The following SPHKAP variants were observed in gnomAD, a reference collection of about 807,000 sequenced individuals.
SPHKAP encodes the protein A-kinase anchor protein SPHKAP.
In SPHKAP, 67 loss-of-function variants were observed where a neutral mutation model predicts 137.5. The ratio of observed to expected loss-of-function variants is 0.49; its 90% CI spans 0.40 to 0.60. The LOEUF is 0.60. Ranked by LOEUF, SPHKAP falls within the 20% of genes least tolerant of loss-of-function variation. SPHKAP has a pLI of 0.00. For synonymous variants in SPHKAP, 813 were observed against 785.3 expected (o/e 1.04, Z -0.59); for missense variants, 2,097 against 2,069.3 (o/e 1.01, Z -0.26).
chr2:228,038,525 A>G (rs1230080002), intron 3 of SPHKAP, among the ~76,000 whole-genome samples: 1 of 152,232 alleles, frequency 6.6e-6, no homozygotes, highest in East Asian at 1.9e-4. Context: ...AGAACAAGGC[A>G]TAATTACTGT....
intron 3 of SPHKAP, among the ~76,000 whole-genome samples, chr2:228,035,806 T>G (rs1301611766): frequency 6.6e-6 from 1 of 152,206 alleles, no homozygotes; most frequent in Admixed American, 6.5e-5. Context: ...TAATAAATGG[T>G]GCTGGGAAAA....
At chr2:228,051,260 ATTGAT>A (rs1477496544) in intron 3 of SPHKAP, among the ~76,000 whole-genome samples, 1 of 152,142 alleles carries the variant, frequency 6.6e-6, no homozygotes, top group Non-Finnish European at 1.5e-5. Flanking sequence ...ACTTGTTTTT[ATTGAT>A]TTAATTTTTG....
At chr2:227,983,643 A>G (rs557293919) in intron 11 of SPHKAP, among the ~76,000 whole-genome samples, 5 of 152,238 alleles carry the variant, frequency 3.3e-5, no homozygotes, top group Non-Finnish European at 7.3e-5. Flanking sequence ...TGGAATGTGG[A>G]TAAACATTTA....
rs1490558726 is a variant in SPHKAP, at chr2:227,980,535, TA to T, written c.*1181del. 1.3e-5 allele frequency: 2 copies of T among 152,212 alleles called. No individual in the cohort carries two copies. Among genetic ancestry groups the T allele is most frequent in the Non-Finnish European group, 2.9e-5 (2 of 68,028 alleles). The allele number at this position is 152,212 out of a possible 1,614,324, so 9.4% of individuals were successfully genotyped here. On this transcript the variant is annotated 3_prime_UTR_variant, in exon 12 of 12. Coordinates refer to ENST00000392056, the MANE Select transcript of SPHKAP (RefSeq NM_001142644.2). ...GAAAGAAGACTTATTAGGGAGACAT[TA>T]GATACCTTTATTTTTCAAAAGAGTA...
At chr2:228,154,154 A>T (rs1239184766) in intron 1 of SPHKAP, among the ~76,000 whole-genome samples, 2 of 152,168 alleles carry the variant, frequency 1.3e-5, no homozygotes, top group Admixed American at 1.3e-4. Context: ...AACCAAAAGT[A>T]AATAAATAAA....
rs2106230501 is a variant in SPHKAP, at chr2:228,027,467, T to C, written c.306+17A>G. The C allele has an allele frequency of 6.2e-7, 1 of 1,611,962 alleles. No homozygotes were observed. Among genetic ancestry groups the C allele is most frequent in the East Asian group, 2.2e-5 (1 of 44,798 alleles). On this transcript the variant is annotated intron_variant, in intron 4 of 11. Coordinates refer to ENST00000392056, the MANE Select transcript of SPHKAP (RefSeq NM_001142644.2). ...CCTTGTAATGACCTCCCGGTCAGCT[T>C]GAGTTTCAAATGTTACCTGTTGCAG... is the stretch of plus-strand genomic sequence containing the variant.
intron 3 of SPHKAP, among the ~76,000 whole-genome samples, chr2:228,067,458 A>G (rs1696864069): frequency 1.3e-5 from 2 of 152,208 alleles, no homozygotes; most frequent in Non-Finnish European, 2.9e-5. Context: ...ATGCTCTATT[A>G]TGATCATCTT....
At chr2:228,113,885 A>C in intron 2 of SPHKAP, among the ~76,000 whole-genome samples, 1 of 152,080 alleles carries the variant, frequency 6.6e-6, no homozygotes, top group South Asian at 2.1e-4. Context: ...GTAAAAGAGA[A>C]TAAAAATGCA....
chr2:228,064,523 A>G (rs753392323), intron 3 of SPHKAP, among the ~76,000 whole-genome samples: 1 of 152,224 alleles, frequency 6.6e-6, no homozygotes, highest in Non-Finnish European at 1.5e-5. Context: ...TCTGTTCAGT[A>G]AAAATAACAG....
chr2:228,130,554 ATTC>A (rs1229915950), intron 2 of SPHKAP, among the ~76,000 whole-genome samples: 2 of 152,220 alleles, frequency 1.3e-5, no homozygotes, highest in Non-Finnish European at 2.9e-5. Flanking sequence ...TCTGGATTCA[ATTC>A]TTCTTTTAAA....
At position 228,122,986 on chromosome 2, in the gene SPHKAP, C is replaced by T. The variant is rs142796148; in HGVS notation, c.138+8994G>A. 1.1e-3 allele frequency among the ~76,000 whole-genome samples: 169 copies of T among 152,266 alleles called. 3 individuals carry two copies. The East Asian group carries it at 0.028, about 25-fold the overall frequency. ...TAGTCATTCTCCTGTTCAGCCCTTA[C>T]GGCCAAAGAGTCCTCCTGATCTTGA... On this transcript the variant is annotated intron_variant, in intron 2 of 11. Transcript: ENST00000392056.
At chr2:228,063,908 A>G (rs889274813) in intron 3 of SPHKAP, among the ~76,000 whole-genome samples, 11 of 152,230 alleles carry the variant, frequency 7.2e-5, no homozygotes, top group African/African-American at 1.9e-4. Flanking sequence ...AAATTGGTCA[A>G]TCTTTAAGTG....
intron 7 of SPHKAP, among the ~76,000 whole-genome samples, chr2:228,013,048 G>A: frequency 6.6e-6 from 1 of 152,152 alleles, no homozygotes; most frequent in East Asian, 1.9e-4. Context: ...ACAAAATTAA[G>A]AGTGCATATG....
At chr2:228,165,821 AC>A (rs1700406828) in intron 1 of SPHKAP, among the ~76,000 whole-genome samples, 1 of 152,184 alleles carries the variant, frequency 6.6e-6, no homozygotes, top group Non-Finnish European at 1.5e-5. Context: ...TAAAGTTCTC[AC>A]CCCACCTACC....
At chr2:228,114,247 G>C (rs1369253195) in intron 2 of SPHKAP, among the ~76,000 whole-genome samples, 1 of 152,084 alleles carries the variant, frequency 6.6e-6, no homozygotes, top group Non-Finnish European at 1.5e-5. Context: ...CAGCAAATAA[G>C]GTTAGGAAGA....
At chr2:228,138,305 T>C (rs984934705) in intron 1 of SPHKAP, among the ~76,000 whole-genome samples, 2 of 152,216 alleles carry the variant, frequency 1.3e-5, no homozygotes, top group African/African-American at 4.8e-5. Flanking sequence ...TCGTCCTTGC[T>C]GTATTAGGAG....
chr2:228,025,292 G>T, intron 5 of SPHKAP, 102 bp downstream of exon 5: 1 of 1,216,308 alleles, frequency 8.2e-7, no homozygotes, highest in Non-Finnish European at 1.1e-6. Context: ...TGATTCCTAT[G>T]TTACAGAAGC....
At chr2:228,086,636 A>G (rs1160356376) in intron 3 of SPHKAP, among the ~76,000 whole-genome samples, 2 of 152,156 alleles carry the variant, frequency 1.3e-5, no homozygotes, top group African/African-American at 4.8e-5. Flanking sequence ...GAGGTTCCAC[A>G]CTAAGAAAGT....
intron 11 of SPHKAP, among the ~76,000 whole-genome samples, chr2:227,988,023 G>A (rs1238540890): frequency 6.6e-6 from 1 of 152,168 alleles, no homozygotes; most frequent in Non-Finnish European, 1.5e-5. Context: ...AGACACTGCT[G>A]TTCTCGTATG....
Sources: allele counts gnomAD v4.1 joint callset (sites outside exome capture counted in the v4.1 genomes callset), GRCh38; gene constraint gnomAD v4.1.1; transcripts MANE v1.5; gene names NCBI Gene and HGNC (gene_info 2026-07-23, HGNC 2026-07-21).